Variants in MELTF observed in about 807,000 individuals in gnomAD.
MELTF encodes melanotransferrin.
In MELTF, 67 loss-of-function variants were observed where a neutral mutation model predicts 83.7. The observed-to-expected ratio is 0.80, with a 90% CI of 0.66 to 0.98. The LOEUF (loss-of-function observed/expected upper bound fraction) is 0.98, where lower values mean the gene tolerates loss of function less well. Ranked by LOEUF, MELTF falls within the 50% of genes least tolerant of loss-of-function variation. The probability of loss-of-function intolerance (pLI) is 0.00; values close to 1 mark genes in which losing one functional copy is unlikely to be tolerated. For missense variants in MELTF, 1,002 were observed against 1,035.6 expected, an observed-to-expected ratio of 0.97 and a Z score of 0.44; for synonymous variants, 462 against 447.6, an observed-to-expected ratio of 1.03 and a Z score of -0.41.
chr3:197,004,150 T>G (rs1054072638), intron 14 of MELTF, 51 bp from the exon 15 acceptor site: 3 of 1,577,640 alleles, frequency 1.9e-6, no homozygotes, highest in Non-Finnish European at 2.6e-6. Context: ...TCAGGCAGGG[T>G]CACCCGCCCA....
rs754168124 is a variant in MELTF, at chr3:197,004,041, T to C, written c.1997A>G (p.Tyr666Cys). The stretch of plus-strand genomic sequence containing the variant: ...CTTGAAAAGCAGGTCTTGGCCATGA[T>C]AGTTGGAGGAGTCGAACATTTTGAA... ...NGFKMFDSSN[Y>C]HGQDLLFKDA... Residue 666 changes from tyrosine (Y) to cysteine (C), a missense_variant, in exon 15 of 16, where the codon TAT becomes TGT. Coordinates refer to ENST00000296350, the MANE Select transcript of MELTF (RefSeq NM_005929.6). 4 of 1,614,080 alleles carry C rather than the reference T, an allele frequency of 2.5e-6. No homozygotes were observed. The highest frequency in any genetic ancestry group is 3.3e-5 in the Admixed American group (2 of 60,016).
chr3:197,009,036 T>C, intron 11 of MELTF, 71 bp from the exon 12 acceptor site: 1 of 1,574,692 alleles, frequency 6.4e-7, no homozygotes, highest in Non-Finnish European at 8.7e-7. Flanking sequence ...GGCGGGCCGC[T>C]CCCCCACAGG....
chr3:197,023,865 G>C (rs1157700377), intron 4 of MELTF: 2 of 458,834 alleles, frequency 4.4e-6, no homozygotes, highest in Non-Finnish European at 8.7e-6. Flanking sequence ...GGGCTGATGA[G>C]CCACTTGGGA....
In MELTF at chr3:197,003,880, G is replaced by A. The variant is rs1303497017; in HGVS notation, c.2137+21C>T. 3 of 1,609,416 alleles carry A rather than the reference G, an allele frequency of 1.9e-6. No individual in the cohort carries two copies. In the Admixed American group the frequency reaches 5.0e-5, roughly 27 times the overall value. On this transcript the variant is annotated intron_variant, in intron 15 of 15. Coordinates refer to ENST00000296350, the MANE Select transcript of MELTF (RefSeq NM_005929.6). This position sits in a 1 kb window ranked among gnomAD's most constrained non-coding sequence, Gnocchi z 6.2. ...GGGTCTGAATAGCACCAGGGGAGGC[G>A]GCAGGGCGGGCCTGTCCTACCTGCG...
At chr3:197,021,225 C>G (rs1344702616) in intron 6 of MELTF, 179 bp downstream of exon 6, 1 of 597,124 alleles carries the variant, frequency 1.7e-6, no homozygotes, top group Non-Finnish European at 2.9e-6. Context: ...TGCCTCTGCT[C>G]TTTTGCAGCT....
In MELTF at chr3:197,029,561, G is replaced by A. The variant is rs1243164786; in HGVS notation, c.49+93C>T. 5 of 1,068,554 alleles carry A rather than the reference G, an allele frequency of 4.7e-6. No individual in the cohort carries two copies. Among genetic ancestry groups the A allele is most frequent in the Non-Finnish European group, 6.0e-6 (5 of 838,614 alleles). The allele number at this position is 1,068,554 out of a possible 1,614,324, so 66.2% of individuals were successfully genotyped here. A position where few individuals can be genotyped will look rare whatever the true frequency, so the allele number is the denominator to read the frequency against. On this transcript the variant is annotated intron_variant, in intron 1 of 15. Coordinates refer to ENST00000296350, the MANE Select transcript of MELTF (RefSeq NM_005929.6). The surrounding 1 kb of genome is among the most constrained non-coding windows in gnomAD (Gnocchi z 6.5). ...CCGTCTCACTGCCCCGGAGCCGCAG[G>A]CTCAGGCACATTTCCAGCCCCGGGA...
intron 9 of MELTF, among the ~76,000 whole-genome samples, chr3:197,014,383 G>GTTTTGTT (rs1719285519): frequency 6.9e-5 from 7 of 101,058 alleles, no homozygotes; most frequent in African/African-American, 2.9e-4. Context: ...AATAGGGAGA[G>GTTTTGTT]TTTTTTTTTT....
intron 6 of MELTF, among the ~76,000 whole-genome samples, chr3:197,017,671 A>T (rs1346052942): frequency 6.6e-6 from 1 of 152,128 alleles, no homozygotes; most frequent in Non-Finnish European, 1.5e-5. Flanking sequence ...AGGTCAGGAG[A>T]TCAAGACCAT....
rs73893750 is a variant in MELTF at position 197,004,336 on chromosome 3, C to T, written c.1939-237G>A. On this transcript the variant is annotated intron_variant, in intron 14 of 15. Transcript: ENST00000296350. ...CTGGAAGAGGCGTTCAGAAGCACTG[C>T]GGTGCTCCAGCTCCTGGATGCAGGT... 6.0e-3 allele frequency: 3,354 copies of T among 554,918 alleles called. 86 individuals are homozygous for T. Among genetic ancestry groups the T allele is most frequent in the African/African-American group, 0.057 (3,014 of 53,052 alleles). The allele number at this position is 554,918 out of a possible 1,614,324, so 34.4% of individuals were successfully genotyped here.
intron 2 of MELTF, among the ~76,000 whole-genome samples, chr3:197,027,355 T>G (rs1301074856): frequency 6.6e-6 from 1 of 152,226 alleles, no homozygotes; most frequent in Admixed American, 6.5e-5. Flanking sequence ...TCCTACCCCA[T>G]GCTCACCCAC....
chr3:197,028,033 C>G, intron 1 of MELTF, 123 bp from the exon 2 acceptor site: 13 of 1,132,684 alleles, frequency 1.1e-5, no homozygotes, highest in Non-Finnish European at 1.6e-5. Flanking sequence ...TCTAGGGCAG[C>G]CCTGCCCTCC....
chr3:197,021,601 G>T, intron 5 of MELTF, 130 bp from the exon 6 acceptor site: 2 of 790,984 alleles, frequency 2.5e-6, no homozygotes, highest in Non-Finnish European at 4.2e-6. Context: ...TGTGGTCTGG[G>T]TTCCAGCTCC....
Position 197,029,415 on chromosome 3 carries a change from A to G in MELTF, c.49+239T>C. ...CGCCTCAGCCCGCGCTTCTCCTTGG[A>G]GCGTCGGAAGCCTCGGGTGTTCGAG... On this transcript the variant is annotated intron_variant, in intron 1 of 15. Coordinates refer to ENST00000296350, the MANE Select transcript of MELTF (RefSeq NM_005929.6). This position sits in a 1 kb window ranked among gnomAD's most constrained non-coding sequence, Gnocchi z 6.5. 2.6e-6 allele frequency: 1 copy of G among 384,334 alleles called. No individual in the cohort carries two copies. The highest frequency in any genetic ancestry group is 4.6e-6 in the Non-Finnish European group (1 of 217,816). The allele number at this position is 384,334 out of a possible 1,614,324, so 23.8% of individuals were successfully genotyped here.
In MELTF at chr3:197,016,364, CAG is replaced by C. The variant is rs762862324; in HGVS notation, c.904_905del (p.Leu302ValfsTer14). The C allele has an allele frequency of 1.0e-4, 162 of 1,586,728 alleles. No homozygotes were observed. In the African/African-American group the frequency reaches 2.1e-3, roughly 20 times the overall value. On this transcript the variant is annotated frameshift_variant, in exon 8 of 16. Transcript: ENST00000296350. LOFTEE classifies it high-confidence loss of function. ...IFRLLNEGQR[L>X]FSHEGSSFQM... Reference sequence around the variant, plus strand: ...GGAAGCTGCTGCCCTCGTGGCTGAACAGACGCTGTGTGTCAAGGGGTGTGGTA... The same window carrying C: ...GGAAGCTGCTGCCCTCGTGGCTGAACACGCTGTGTGTCAAGGGGTGTGGTA...
chr3:197,002,884 C>CCCG lies in MELTF; in HGVS notation c.*485_*487dup, dbSNP rs1195426837. 2.0e-5 allele frequency: 3 copies of CCCG among 151,998 alleles called. No homozygotes were observed. The highest frequency in any genetic ancestry group is 2.1e-4 in the South Asian group (1 of 4,834). 9.4% of individuals were successfully genotyped at this position (151,998 alleles called of 1,614,324 possible). On this transcript the variant is annotated 3_prime_UTR_variant, in exon 16 of 16. Transcript: ENST00000296350. The stretch of plus-strand genomic sequence containing the variant: ...CCCGTCGCCCCGGTCCGGCCTCCCT[C>CCCG]CCGCCGCCGCCAGCAGAGGCCGCTG...
In MELTF at chr3:197,002,784, T is replaced by A. The variant is rs936312770; in HGVS notation, c.*588A>T. 1 of 152,044 alleles carries A rather than the reference T, an allele frequency of 6.6e-6. No homozygotes were observed. Among genetic ancestry groups the A allele is most frequent in the African/African-American group, 2.4e-5 (1 of 41,380 alleles). The allele number at this position is 152,044 out of a possible 1,614,324, so 9.4% of individuals were successfully genotyped here. On this transcript the variant is annotated 3_prime_UTR_variant, in exon 16 of 16. Transcript: ENST00000296350. The stretch of plus-strand genomic sequence containing the variant: ...CACGCGGCGTTCCCCGGGCTCGGCC[T>A]CCCTCCCAGCGCACGGGCGGTCGGA...
Position 197,011,428 on chromosome 3 carries a change from G to A in MELTF, c.1234-634C>T, listed in dbSNP as rs531180057. On this transcript the variant is annotated intron_variant, in intron 9 of 15. Coordinates refer to ENST00000296350, the MANE Select transcript of MELTF (RefSeq NM_005929.6). This position sits in a 1 kb window ranked among gnomAD's most constrained non-coding sequence, Gnocchi z 4.2. ...TATTGACAGGTGGTCCCAGGACCCC[G>A]CCAAGGGGCTAACTGGTAACAGAGC... is the stretch of plus-strand genomic sequence containing the variant. Among the ~76,000 whole-genome samples, 13 of 152,254 alleles carry A rather than the reference G, an allele frequency of 8.5e-5. No individual in the cohort carries two copies. Among genetic ancestry groups the A allele is most frequent in the Admixed American group, 8.5e-4 (13 of 15,312 alleles).
intron 11 of MELTF, among the ~76,000 whole-genome samples, 175 bp from the exon 12 acceptor site, chr3:197,009,140 G>A (rs374464876): frequency 2.6e-5 from 4 of 152,236 alleles, no homozygotes; most frequent in Admixed American, 6.5e-5. Context: ...ATCTCAGTGC[G>A]GGGAATGCAG....
intron 11 of MELTF, among the ~76,000 whole-genome samples, 181 bp from the exon 12 acceptor site, chr3:197,009,146 T>G (rs905922422): frequency 2.0e-5 from 3 of 152,116 alleles, no homozygotes; most frequent in African/African-American, 7.2e-5. Flanking sequence ...GTGCGGGGAA[T>G]GCAGAGGTTG....
Sources: gnomAD v4.1 joint callset for allele counts (sites outside exome capture counted in the v4.1 genomes callset) on GRCh38, gnomAD v4.1.1 for gene constraint, Gnocchi (gnomAD v3.1) non-coding constraint, MANE v1.5 for transcripts, NCBI Gene and HGNC (gene_info 2026-07-23, HGNC 2026-07-21) for gene names.